The following ASH1L variants were observed in gnomAD, a reference collection of about 807,000 sequenced individuals.
ASH1L encodes the protein histone-lysine N-methyltransferase ASH1L.
Under a neutral mutation model 269.0 loss-of-function variants are expected in ASH1L, and 23 were observed. That is an observed-to-expected ratio of 0.09 (90% confidence interval 0.06 to 0.12). The LOEUF is 0.12. ASH1L is among the 10% of genes least tolerant of loss of function. ASH1L has a pLI of 1.00. For synonymous variants in ASH1L, 1,187 were observed against 1,253.5 expected, an observed-to-expected ratio of 0.95 and a Z score of 1.12; for missense variants, 2,912 against 3,567.8, an observed-to-expected ratio of 0.82 and a Z score of 4.68.
chr1:155,422,860 G>C (rs867839737), intron 5 of ASH1L, among the ~76,000 whole-genome samples: 2 of 151,828 alleles, frequency 1.3e-5, no homozygotes, highest in Non-Finnish European at 2.9e-5. Context: ...ATGTTGACCA[G>C]GCTGGTCTTG....
chr1:155,392,029 C>T (rs1016434632), intron 7 of ASH1L, among the ~76,000 whole-genome samples: 9 of 152,006 alleles, frequency 5.9e-5, no homozygotes, highest in Admixed American at 4.6e-4. Flanking sequence ...ATTAGAGCAA[C>T]CAGTTACTGT....
At chr1:155,433,368 G>GC in intron 5 of ASH1L, 13 of 1,595,290 alleles carry the variant, frequency 8.1e-6, no homozygotes, top group South Asian at 2.3e-5. Context: ...ATTCCCCCAT[G>GC]CCCCCCGCTG....
At chr1:155,458,683 C>T (rs1333045049) in intron 4 of ASH1L, among the ~76,000 whole-genome samples, 1 of 152,162 alleles carries the variant, frequency 6.6e-6, no homozygotes, top group East Asian at 1.9e-4. Flanking sequence ...CACCACTGTA[C>T]TCCAGCCTGG....
intron 13 of ASH1L, among the ~76,000 whole-genome samples, chr1:155,359,874 T>C (rs2148380760): frequency 6.6e-6 from 1 of 151,488 alleles, no homozygotes; most frequent in South Asian, 2.1e-4. Flanking sequence ...CCATTGCGCC[T>C]GACCTCCCAT....
intron 13 of ASH1L, among the ~76,000 whole-genome samples, chr1:155,359,827 C>T (rs1469780955): frequency 6.6e-6 from 1 of 152,034 alleles, no homozygotes; most frequent in Non-Finnish European, 1.5e-5. Flanking sequence ...AATCCGCTTG[C>T]CTCAGCCTCA....
At position 155,335,739 on chromosome 1, in the gene ASH1L, T is replaced by A. The variant is rs556974313; in HGVS notation, c.*1921A>T. 1 of 152,750 alleles carries A rather than the reference T, an allele frequency of 6.5e-6. No individual in the cohort carries two copies. Among genetic ancestry groups the A allele is most frequent in the African/African-American group, 2.4e-5 (1 of 41,446 alleles). 9.5% of individuals were successfully genotyped at this position (152,750 alleles called of 1,614,324 possible). On this transcript the variant is annotated 3_prime_UTR_variant, in exon 28 of 28. Transcript: ENST00000392403. ...GACAGAGCGTAGTGTCTTTTGCTTCTGTTCTCGCATTTTACAAAGTTTTTT... is the reference window on the plus strand; with the variant it reads ...GACAGAGCGTAGTGTCTTTTGCTTCAGTTCTCGCATTTTACAAAGTTTTTT...
chr1:155,352,450 G>A (rs1654016793), intron 17 of ASH1L, among the ~76,000 whole-genome samples: 1 of 151,606 alleles, frequency 6.6e-6, no homozygotes, highest in Admixed American at 6.6e-5. Context: ...CTTAGGTTAA[G>A]AAAACTGCAA....
intron 2 of ASH1L, among the ~76,000 whole-genome samples, chr1:155,498,903 T>A: frequency 7.7e-6 from 1 of 129,312 alleles, no homozygotes; most frequent in African/African-American, 3.0e-5. Flanking sequence ...AACCAAAACA[T>A]CTGAGAACAG....
At chr1:155,491,608 G>A (rs1475092167) in intron 2 of ASH1L, among the ~76,000 whole-genome samples, 1 of 152,112 alleles carries the variant, frequency 6.6e-6, no homozygotes, top group Non-Finnish European at 1.5e-5. Context: ...TAACTAAAGT[G>A]CTTAATCACT....
chr1:155,438,254 A>G, intron 5 of ASH1L, 73 bp downstream of exon 5: 1 of 1,397,796 alleles, frequency 7.2e-7, no homozygotes, highest in Non-Finnish European at 9.6e-7. Flanking sequence ...GAAATAATTC[A>G]GCTATAGAGT....
intron 2 of ASH1L, among the ~76,000 whole-genome samples, chr1:155,507,917 A>T (rs1319618231): frequency 6.6e-6 from 1 of 151,052 alleles, no homozygotes; most frequent in Non-Finnish European, 1.5e-5. Flanking sequence ...CCATTTGTGC[A>T]TTTTTGCCAA....
chr1:155,473,367 C>T (rs1345911221), intron 3 of ASH1L, among the ~76,000 whole-genome samples: 2 of 152,190 alleles, frequency 1.3e-5, no homozygotes, highest in Non-Finnish European at 2.9e-5. Context: ...GGCATTGCTA[C>T]ATTTATCTAC....
intron 12 of ASH1L, among the ~76,000 whole-genome samples, chr1:155,364,759 G>T (rs1434099731): frequency 6.6e-6 from 1 of 151,752 alleles, no homozygotes; most frequent in South Asian, 2.1e-4. Flanking sequence ...GGACAACATG[G>T]CACAACCCTG....
intron 20 of ASH1L, 75 bp downstream of exon 20, chr1:155,347,581 G>A (rs1653466747): frequency 3.8e-6 from 6 of 1,577,330 alleles, no homozygotes; most frequent in Non-Finnish European, 4.3e-6. Context: ...ATCCAAAAGA[G>A]GCATGGGCTT....
intron 2 of ASH1L, 43 bp downstream of exon 2, chr1:155,521,057 A>T (rs754058209): frequency 1.3e-5 from 20 of 1,519,816 alleles, no homozygotes; most frequent in Non-Finnish European, 1.8e-5. Context: ...TAGGGAAATG[A>T]AAATATTGTC....
In ASH1L at chr1:155,482,357, G is replaced by A. The variant is rs1308008013; in HGVS notation, c.513C>T (p.Asn171=). The change falls in exon 3 of 28, where the codon AAC becomes AAT. Residue 171 remains asparagine, a synonymous_variant. Transcript: ENST00000392403. ...GAGACAGCTTCTTAGACAAAGGATT[G>A]TTTTCTCCCTGTGAATGAAGACGGA... is the stretch of plus-strand genomic sequence containing the variant. The part of the protein sequence containing the change: ...EVIRLHSQGE[N]NPLSKKLSPV... The A allele has an allele frequency of 2.5e-6, 4 of 1,614,004 alleles. No homozygotes were observed. In the South Asian group the frequency reaches 3.3e-5, roughly 13 times the overall value.
chr1:155,487,914 G>A (rs1414412206), intron 2 of ASH1L, among the ~76,000 whole-genome samples: 1 of 149,286 alleles, frequency 6.7e-6, no homozygotes, highest in Admixed American at 6.6e-5. Context: ...TTGAAATGGA[G>A]TCTTGCCCTG....
chr1:155,380,434 C>A (rs1333337369), intron 7 of ASH1L, among the ~76,000 whole-genome samples: 1 of 152,030 alleles, frequency 6.6e-6, no homozygotes, highest in Non-Finnish European at 1.5e-5. Flanking sequence ...GGTACAGCAT[C>A]TGGCACCTGC....
At chr1:155,424,006 C>G (rs533258970) in intron 5 of ASH1L, among the ~76,000 whole-genome samples, 1 of 151,914 alleles carries the variant, frequency 6.6e-6, no homozygotes, top group Non-Finnish European at 1.5e-5. Flanking sequence ...ATTATAGGTG[C>G]GAGCCACCGT....
Sources: allele counts gnomAD v4.1 joint callset (sites outside exome capture counted in the v4.1 genomes callset), GRCh38; gene constraint gnomAD v4.1.1; transcripts MANE v1.5; gene names NCBI Gene and HGNC (gene_info 2026-07-23, HGNC 2026-07-21).